Variants in RYR2 observed in about 807,000 individuals in gnomAD.
RYR2 encodes the protein ryanodine receptor 2.
A neutral mutation model predicts 601.1 loss-of-function variants in RYR2; 227 were observed. The observed-to-expected ratio is 0.38, with a 90% CI of 0.34 to 0.42. The LOEUF (loss-of-function observed/expected upper bound fraction) is 0.42, where lower values mean the gene tolerates loss of function less well. Ranked by LOEUF, RYR2 falls within the 10% of genes least tolerant of loss-of-function variation. RYR2 has a pLI of 1.00. For synonymous variants in RYR2, 2,223 were observed against 2,175.1 expected, an observed-to-expected ratio of 1.02 and a Z score of -0.61; for missense variants, 4,646 against 6,156.5, an observed-to-expected ratio of 0.75 and a Z score of 8.21.
chr1:237,048,051 C>T (rs1044960122), intron 1 of RYR2, among the ~76,000 whole-genome samples: 2 of 152,212 alleles, frequency 1.3e-5, no homozygotes, highest in African/African-American at 4.8e-5. Flanking sequence ...AGACTTCCCT[C>T]TTGCCTCTCG....
chr1:237,314,153 C>T (rs59008834), intron 2 of RYR2, among the ~76,000 whole-genome samples: 15,466 of 150,656 alleles, frequency 0.1, 1,660 homozygotes, highest in African/African-American at 0.26. Context: ...CAAGCTCCAC[C>T]TCCAGGGTTC....
chr1:237,434,112 T>G (rs1268949640), intron 12 of RYR2, among the ~76,000 whole-genome samples: 1 of 152,226 alleles, frequency 6.6e-6, no homozygotes, highest in Non-Finnish European at 1.5e-5. Flanking sequence ...AGCAGTCCCT[T>G]ACCCCTAACT....
intron 1 of RYR2, among the ~76,000 whole-genome samples, chr1:237,092,329 T>C (rs1038139038): frequency 1.3e-5 from 2 of 152,136 alleles, no homozygotes; most frequent in Non-Finnish European, 2.9e-5. Flanking sequence ...TATGAGTCCC[T>C]CAAATTAAAG....
chr1:237,439,124 A>G (rs1002932434), intron 12 of RYR2, among the ~76,000 whole-genome samples: 2 of 151,256 alleles, frequency 1.3e-5, no homozygotes, highest in Non-Finnish European at 2.9e-5. Context: ...TGCTTTTACT[A>G]GATGTCACAT....
chr1:237,428,029 T>C (rs1706375286), intron 12 of RYR2, among the ~76,000 whole-genome samples: 2 of 152,026 alleles, frequency 1.3e-5, no homozygotes, highest in Non-Finnish European at 2.9e-5. Context: ...ATTAGATAAA[T>C]GCAAATCAAA....
At chr1:237,279,700 T>C (rs925417308) in intron 2 of RYR2, among the ~76,000 whole-genome samples, 2 of 152,206 alleles carry the variant, frequency 1.3e-5, no homozygotes, top group Admixed American at 1.3e-4. Flanking sequence ...GACCATTGTT[T>C]TATGCAGATG....
At chr1:237,491,078 A>T (rs557198553) in intron 17 of RYR2, among the ~76,000 whole-genome samples, 17 of 152,292 alleles carry the variant, frequency 1.1e-4, no homozygotes, top group South Asian at 2.1e-4. Context: ...AAAATTTCTG[A>T]TAATGAAATT....
chr1:237,391,847 A>G (rs1702414122), intron 10 of RYR2, among the ~76,000 whole-genome samples: 1 of 152,142 alleles, frequency 6.6e-6, no homozygotes, highest in African/African-American at 2.4e-5. Flanking sequence ...TGAATTGGAG[A>G]TGATGCCTAT....
rs201211033 is a variant in RYR2, at chr1:237,377,415, G to A, written c.556G>A (p.Val186Met). 22 of 1,613,312 alleles carry A rather than the reference G, an allele frequency of 1.4e-5. No individual in the cohort carries two copies. The highest frequency in any genetic ancestry group is 3.3e-5 in the Admixed American group (2 of 59,984). The change falls in exon 8 of 105, where the codon GTG (valine) becomes ATG (methionine). Residue 186 changes from valine (V) to methionine (M), a missense_variant. Val to Met is a conservative substitution (Grantham distance 21, BLOSUM62 1). Coordinates refer to ENST00000366574, the MANE Select transcript of RYR2 (RefSeq NM_001035.3). ...RVGDDLILVSVSSERYLHLSY... is the reference protein window; with the variant it reads ...RVGDDLILVSMSSERYLHLSY... Reference sequence around the variant, plus strand: ...TGGAGATGACCTCATCTTAGTTAGCGTGTCCTCTGAAAGGTACTTGGTAAG... The same window carrying A: ...TGGAGATGACCTCATCTTAGTTAGCATGTCCTCTGAAAGGTACTTGGTAAG...
intron 1 of RYR2, among the ~76,000 whole-genome samples, chr1:237,175,248 T>C (rs1369689958): frequency 6.6e-6 from 1 of 152,190 alleles, no homozygotes; most frequent in Admixed American, 6.5e-5. Context: ...GGCACCTTAA[T>C]TATATGCTGT....
chr1:237,122,457 G>A (rs1670898120), intron 1 of RYR2, among the ~76,000 whole-genome samples: 2 of 152,188 alleles, frequency 1.3e-5, no homozygotes, highest in Non-Finnish European at 2.9e-5. Context: ...CGAGGCGGGG[G>A]GATCACTTGA....
intron 1 of RYR2, among the ~76,000 whole-genome samples, chr1:237,071,861 G>A (rs4659767): frequency 0.99 from 151,062 of 152,332 alleles, 74,914 homozygotes; most frequent in East Asian, 1. Context: ...AACTCCCCCA[G>A]AGTTTCAGAG....
At chr1:237,434,264 C>G (rs1707126738) in intron 12 of RYR2, among the ~76,000 whole-genome samples, 1 of 152,074 alleles carries the variant, frequency 6.6e-6, no homozygotes, top group Non-Finnish European at 1.5e-5. Context: ...CCTCAATTGT[C>G]ATTGGGGTGT....
chr1:237,551,932 G>C (rs577647835), intron 27 of RYR2, among the ~76,000 whole-genome samples: 202 of 152,258 alleles, frequency 1.3e-3, no homozygotes, highest in Non-Finnish European at 2.3e-3. Flanking sequence ...ATTTAAAGTG[G>C]CAGGTGTAGG....
intron 17 of RYR2, among the ~76,000 whole-genome samples, chr1:237,482,038 C>T (rs888620205): frequency 6.6e-6 from 1 of 152,034 alleles, no homozygotes; most frequent in African/African-American, 2.4e-5. Flanking sequence ...TGAACTTTCA[C>T]TACTTTTTTA....
chr1:237,747,452 C>G (rs960604790), intron 80 of RYR2, among the ~76,000 whole-genome samples: 8 of 152,206 alleles, frequency 5.3e-5, no homozygotes, highest in Admixed American at 1.3e-4. Flanking sequence ...CTAACATACT[C>G]AAACCAATAC....
At chr1:237,832,467 T>A in intron 104 of RYR2, 85 bp from the exon 105 acceptor site, 1 of 796,200 alleles carries the variant, frequency 1.3e-6, no homozygotes, top group South Asian at 1.7e-5. Flanking sequence ...CCGTGCGATA[T>A]AGGTAACAGA....
At chr1:237,420,210 T>G (rs1015161140) in intron 11 of RYR2, among the ~76,000 whole-genome samples, 5 of 152,184 alleles carry the variant, frequency 3.3e-5, no homozygotes, top group Non-Finnish European at 7.4e-5. Flanking sequence ...TATATTTTAC[T>G]CCAGGCAAAA....
intron 2 of RYR2, among the ~76,000 whole-genome samples, chr1:237,277,469 T>A (rs1690402970): frequency 6.6e-6 from 1 of 152,194 alleles, no homozygotes; most frequent in Non-Finnish European, 1.5e-5. Context: ...TTTGATTATA[T>A]ACCTAAAATT....
Sources: allele counts gnomAD v4.1 joint callset (sites outside exome capture counted in the v4.1 genomes callset), GRCh38; gene constraint gnomAD v4.1.1; transcripts MANE v1.5; gene names NCBI Gene and HGNC (gene_info 2026-07-23, HGNC 2026-07-21).